The following PPIP5K2 variants were observed in gnomAD, a reference collection of about 807,000 sequenced individuals.
PPIP5K2 encodes the protein inositol hexakisphosphate and diphosphoinositol-pentakisphosphate kinase 2.
PPIP5K2 carries 105 observed loss-of-function variants against 154.6 expected under a neutral mutation model. The ratio of observed to expected loss-of-function variants is 0.68; its 90% CI spans 0.58 to 0.80. PPIP5K2 has a LOEUF of 0.80. Ranked by LOEUF, PPIP5K2 falls within the 30% of genes least tolerant of loss-of-function variation. PPIP5K2 has a pLI of 0.00. For synonymous variants in PPIP5K2, 480 were observed against 490.3 expected (o/e 0.98, Z 0.28); for missense variants, 992 against 1,504.6 (o/e 0.66, Z 5.64).
chr5:103,142,056 C>A (rs1465023772), intron 5 of PPIP5K2, among the ~76,000 whole-genome samples: 1 of 152,182 alleles, frequency 6.6e-6, no homozygotes, highest in East Asian at 1.9e-4. Flanking sequence ...CTTGGGTGGT[C>A]GATGGGACTG....
At chr5:103,164,344 T>C (rs1173651455) in intron 17 of PPIP5K2, among the ~76,000 whole-genome samples, 1 of 152,044 alleles carries the variant, frequency 6.6e-6, no homozygotes, top group East Asian at 1.9e-4. Flanking sequence ...TATATGCTTA[T>C]TTTCCATTTG....
intron 30 of PPIP5K2, among the ~76,000 whole-genome samples, chr5:103,195,648 C>A (rs115892545): frequency 1.4e-3 from 207 of 152,166 alleles, no homozygotes; most frequent in African/African-American, 4.7e-3. Flanking sequence ...ATATTCTATC[C>A]ATTTATCTTA....
Position 103,201,934 on chromosome 5 carries a change from G to A in PPIP5K2, c.*300G>A, listed in dbSNP as rs773091934. ...GCAGGCTCGTACCAAAGTCACAGCA[G>A]TAATGCTATGTACTGCAGAGTCTGA... On this transcript the variant is annotated 3_prime_UTR_variant, in exon 31 of 31. Transcript: ENST00000358359. The A allele has an allele frequency of 3.5e-6, 1 of 289,472 alleles. No individual in the cohort carries two copies. The highest frequency in any genetic ancestry group is 6.5e-6 in the Non-Finnish European group (1 of 154,788). 17.9% of individuals were successfully genotyped at this position (289,472 alleles called of 1,614,324 possible). A position where few individuals can be genotyped will look rare whatever the true frequency, so the allele number is the denominator to read the frequency against.
At position 103,120,321 on chromosome 5, in the gene PPIP5K2, T is replaced by A; in HGVS notation, c.-452T>A. The A allele has an allele frequency of 2.3e-6, 1 of 428,102 alleles. No homozygotes were observed. Among genetic ancestry groups the A allele is most frequent in the East Asian group, 7.2e-5 (1 of 13,930 alleles). 26.5% of individuals were successfully genotyped at this position (428,102 alleles called of 1,614,324 possible). A position where few individuals can be genotyped will look rare whatever the true frequency, so the allele number is the denominator to read the frequency against. Reference sequence around the variant, plus strand: ...GAGGTGTAGTAGCCTGAGGTTCCCTTATGTGGCCCTATAGCTGTTACTGAA... The same window carrying A: ...GAGGTGTAGTAGCCTGAGGTTCCCTAATGTGGCCCTATAGCTGTTACTGAA... On this transcript the variant is annotated 5_prime_UTR_variant, in exon 1 of 31. Transcript: ENST00000358359.
In PPIP5K2 at chr5:103,167,256, T is replaced by G. The variant is rs782665498; in HGVS notation, c.1998T>G (p.Val666=). The G allele has an allele frequency of 1.9e-6, 3 of 1,598,724 alleles. No individual in the cohort carries two copies. The highest frequency in any genetic ancestry group is 2.6e-6 in the Non-Finnish European group (3 of 1,172,196). The part of the protein sequence containing the change: ...IKNPVKTCDK[V]YSLIQSLTSQ... Reference sequence around the variant, plus strand: ...ACCCTGTGAAGACCTGTGATAAAGTTTATTCCTTAATTCAGAGTTTGACTT... The same window carrying G: ...ACCCTGTGAAGACCTGTGATAAAGTGTATTCCTTAATTCAGAGTTTGACTT... The change falls in exon 18 of 31, where the codon GTT becomes GTG. Residue 666 remains valine (V), a synonymous_variant. Coordinates refer to ENST00000358359, the MANE Select transcript of PPIP5K2 (RefSeq NM_001276277.3).
At chr5:103,195,124 G>C (rs1339988336) in intron 30 of PPIP5K2, 99 bp downstream of exon 30, 1 of 1,437,280 alleles carries the variant, frequency 7.0e-7, no homozygotes, top group Admixed American at 2.0e-5. Context: ...TAGTATCTTT[G>C]CACTTCCCTA....
rs749394719 is a variant in PPIP5K2 at position 103,173,151 on chromosome 5, T to C, written c.2287-4T>C. ...TTTTCTAATGTCATGTATTTTTTGCTCAGGAATATGGTATAACTAAAGCTG... is the reference window on the plus strand; with the variant it reads ...TTTTCTAATGTCATGTATTTTTTGCCCAGGAATATGGTATAACTAAAGCTG... On this transcript the variant is annotated splice_region_variant and splice_polypyrimidine_tract_variant and intron_variant, in intron 19 of 30. Coordinates refer to ENST00000358359, the MANE Select transcript of PPIP5K2 (RefSeq NM_001276277.3). 116 of 1,581,908 alleles carry C rather than the reference T, an allele frequency of 7.3e-5. No homozygotes were observed. The highest frequency in any genetic ancestry group is 8.4e-5 in the Non-Finnish European group (98 of 1,168,890).
At chr5:103,126,145 A>G (rs1489553332) in intron 1 of PPIP5K2, among the ~76,000 whole-genome samples, 1 of 152,206 alleles carries the variant, frequency 6.6e-6, no homozygotes, top group Non-Finnish European at 1.5e-5. Flanking sequence ...TCTCATTTAA[A>G]TTAAATTTAT....
In PPIP5K2 at chr5:103,210,656, A is replaced by T. The variant is rs1297389335; in HGVS notation, c.*9022A>T. On this transcript the variant is annotated 3_prime_UTR_variant, in exon 31 of 31. Coordinates refer to ENST00000358359, the MANE Select transcript of PPIP5K2 (RefSeq NM_001276277.3). ...GTGCTTTTTGAACAATTATTGAGGT[A>T]AATAACATACCCTAAAAGTTAGTAC... 6.6e-6 allele frequency: 1 copy of T among 152,102 alleles called. No homozygotes were observed. The highest frequency in any genetic ancestry group is 1.5e-5 in the Non-Finnish European group (1 of 67,986). The allele number at this position is 152,102 out of a possible 1,614,324, so 9.4% of individuals were successfully genotyped here. A position where few individuals can be genotyped will look rare whatever the true frequency, so the allele number is the denominator to read the frequency against.
chr5:103,146,240 C>T lies in PPIP5K2; in HGVS notation c.488-287C>T, dbSNP rs1309451671. On this transcript the variant is annotated intron_variant, in intron 5 of 30. Transcript: ENST00000358359. ...ATGGTGGCATTCTTGAGTTACTTCTCAGTCTTTCTTGATATAATAATTTCA... is the reference window on the plus strand; with the variant it reads ...ATGGTGGCATTCTTGAGTTACTTCTTAGTCTTTCTTGATATAATAATTTCA... 2.6e-5 allele frequency among the ~76,000 whole-genome samples: 4 copies of T among 152,144 alleles called. No individual in the cohort carries two copies. In the East Asian group the frequency reaches 7.7e-4, roughly 29 times the overall value.
chr5:103,126,848 T>G (rs1439677449), intron 1 of PPIP5K2, among the ~76,000 whole-genome samples: 1 of 150,540 alleles, frequency 6.6e-6, no homozygotes, highest in Non-Finnish European at 1.5e-5. Context: ...CCCGGAACAC[T>G]GACTCAAATG....
rs782160990 is a variant in PPIP5K2, at chr5:103,154,776, A to T, written c.1293+31A>T. 5 of 1,552,208 alleles carry T rather than the reference A, an allele frequency of 3.2e-6. No homozygotes were observed. In the South Asian group the frequency reaches 6.2e-5, roughly 19 times the overall value. On this transcript the variant is annotated intron_variant, in intron 12 of 30. Transcript: ENST00000358359. ...TGTATTTGCTTTCTTGTTTAATTTT[A>T]AATTTTTTAGTGGTGAAATTACATA...
intron 17 of PPIP5K2, among the ~76,000 whole-genome samples, chr5:103,162,777 G>T (rs1796505348): frequency 1.3e-5 from 2 of 152,028 alleles, no homozygotes; most frequent in African/African-American, 4.8e-5. Context: ...TTTCGGAGAA[G>T]AGGCCATAAG....
chr5:103,197,962 G>T (rs1439446267), intron 30 of PPIP5K2, among the ~76,000 whole-genome samples: 2 of 151,028 alleles, frequency 1.3e-5, no homozygotes, highest in African/African-American at 4.9e-5. Context: ...CTTACTTTGG[G>T]TTTACTTTTA....
At chr5:103,138,209 A>C (rs973778398) in intron 4 of PPIP5K2, among the ~76,000 whole-genome samples, 175 bp from the exon 5 acceptor site, 22 of 152,188 alleles carry the variant, frequency 1.4e-4, no homozygotes, top group African/African-American at 4.8e-4. Context: ...ATTTCCTCAG[A>C]ATACCTTTTT....
intron 1 of PPIP5K2, among the ~76,000 whole-genome samples, chr5:103,124,670 T>C (rs1789347374): frequency 6.6e-6 from 1 of 152,204 alleles, no homozygotes; most frequent in Non-Finnish European, 1.5e-5. Context: ...TTCCCAACTT[T>C]TTTCATATTA....
intron 1 of PPIP5K2, among the ~76,000 whole-genome samples, chr5:103,126,084 CT>C (rs1292922246): frequency 7.2e-5 from 11 of 152,136 alleles, no homozygotes; most frequent in African/African-American, 2.2e-4. Flanking sequence ...AGGCTTTATA[CT>C]TGATGTTTCT....
At chr5:103,190,375 G>C (rs1050327000) in intron 28 of PPIP5K2, among the ~76,000 whole-genome samples, 4 of 151,800 alleles carry the variant, frequency 2.6e-5, no homozygotes, top group African/African-American at 9.7e-5. Flanking sequence ...CATTGGTCTT[G>C]GCACACCTGG....
chr5:103,153,081 G>C lies in PPIP5K2; in HGVS notation c.1130+332G>C, dbSNP rs79805184. 7.3e-3 allele frequency among the ~76,000 whole-genome samples: 1,111 copies of C among 151,824 alleles called. 10 individuals carry two copies. Among genetic ancestry groups the C allele is most frequent in the African/African-American group, 0.024 (977 of 41,502 alleles). On this transcript the variant is annotated intron_variant, in intron 10 of 30. Transcript: ENST00000358359. ...TATCTTGCATAATTATACCAGTATT[G>C]CCAAAATGTTTTATAACATTCTCTT...
Sources: allele counts gnomAD v4.1 joint callset (sites outside exome capture counted in the v4.1 genomes callset), GRCh38; gene constraint gnomAD v4.1.1; transcripts MANE v1.5; gene names NCBI Gene and HGNC (gene_info 2026-07-23, HGNC 2026-07-21).